The following RS1 variants were observed in gnomAD, a reference collection of about 807,000 sequenced individuals.
RS1 encodes the protein retinoschisin.
RS1 carries 2 observed loss-of-function variants against 20.8 expected under a neutral mutation model. The ratio of observed to expected loss-of-function variants is 0.10; its 90% CI spans 0.04 to 0.30. The LOEUF (loss-of-function observed/expected upper bound fraction) is 0.30. RS1 is among the 10% of genes least tolerant of loss of function. The pLI, the probability that RS1 is intolerant of heterozygous loss-of-function variation, is 1.00. For missense variants in RS1, 151 were observed against 189.8 expected, an observed-to-expected ratio of 0.80 and a Z score of 1.20; for synonymous variants, 70 against 75.8, an observed-to-expected ratio of 0.92 and a Z score of 0.40.
Position 18,645,012 on chromosome X carries a change from C to T in RS1, c.327-387G>A, listed in dbSNP as rs146253884. Among the ~76,000 whole-genome samples the T allele has an allele frequency of 8.8e-3, 986 of 111,989 alleles. 10 individuals carry two copies. Among genetic ancestry groups the T allele is most frequent in the African/African-American group, 0.03 (919 of 30,789 alleles). ...GAGACTCCCAGGGTGAACCTTTCTG[C>T]GCATTTCACTCTCTTCACACCTATT... On this transcript the variant is annotated intron_variant, in intron 4 of 5. Transcript: ENST00000379984.
chrX:18,656,857 T>C, intron 2 of RS1, 99 bp from the exon 3 acceptor site: 1 of 669,128 alleles, frequency 1.5e-6, no homozygotes, highest in Non-Finnish European at 2.5e-6. Flanking sequence ...GCATCGTCTA[T>C]AGCAGCTTTG....
rs1183496092 is a variant in RS1 at position 18,657,037 on chromosome X, G to A, written c.79-279C>T. 1.5e-4 allele frequency among the ~76,000 whole-genome samples: 16 copies of A among 109,712 alleles called. No individual in the cohort carries two copies. The South Asian group carries it at 3.6e-3, about 24-fold the overall frequency. ...CCCCATTATAGTTATCTTCAGGAGT[G>A]TGGGGAGCCCCAATCCAAGTTTAGA... On this transcript the variant is annotated intron_variant, in intron 2 of 5. Transcript: ENST00000379984.
intron 3 of RS1, chrX:18,647,646 T>G (rs2147194584): frequency 3.3e-6 from 1 of 299,041 alleles, no homozygotes; most frequent in South Asian, 5.0e-5. Flanking sequence ...CTCCACCAAC[T>G]TAGAGATCTA....
chrX:18,643,121 G>A (rs906271127), intron 5 of RS1, among the ~76,000 whole-genome samples: 5 of 110,940 alleles, frequency 4.5e-5, no homozygotes, highest in Non-Finnish European at 9.5e-5. Flanking sequence ...AAAGAGAAAG[G>A]GGGTTTGCTT....
chrX:18,663,032 C>CTTTTTTTTTTTTTTTTTTTTTTTTTTTT (rs55857398), intron 1 of RS1, among the ~76,000 whole-genome samples: 1 of 74,785 alleles, frequency 1.3e-5, no homozygotes, highest in African/African-American at 6.4e-5. Context: ...AGAACAATGA[C>CTTTTTTTTTTTTTTTTTTTTTTTTTTTT]TTTTTTTTTT....
intron 1 of RS1, among the ~76,000 whole-genome samples, chrX:18,659,945 C>G (rs905947307): frequency 1.8e-5 from 2 of 111,818 alleles, no homozygotes; most frequent in Non-Finnish European, 3.8e-5. Context: ...GAATATCACA[C>G]AGGGGCACCA....
intron 1 of RS1, among the ~76,000 whole-genome samples, chrX:18,669,487 C>CAAAAAAAAAAAAAAAAAAA (rs386416704): frequency 6.8e-5 from 4 of 58,882 alleles, no homozygotes; most frequent in African/African-American, 2.2e-4. Flanking sequence ...GTGAAATTCT[C>CAAAAAAAAAAAAAAAAAAA]AAAAAAAAAA....
chrX:18,647,144 A>T, intron 4 of RS1, 47 bp downstream of exon 4: 1 of 1,177,560 alleles, frequency 8.5e-7, no homozygotes, highest in Non-Finnish European at 1.1e-6. Context: ...AGAGAGGCCT[A>T]TTTTTTTTTA....
intron 3 of RS1, 33 bp downstream of exon 3, chrX:18,656,620 G>T (rs1224070426): frequency 9.3e-7 from 1 of 1,077,555 alleles, no homozygotes. Flanking sequence ...TGTTCCCAAT[G>T]ACTGTTCCAT....
intron 5 of RS1, among the ~76,000 whole-genome samples, chrX:18,643,023 C>A (rs375623183): frequency 2.7e-4 from 30 of 111,546 alleles, no homozygotes; most frequent in Admixed American, 1.0e-3. Context: ...CCAGCCTGGG[C>A]AACAGAGTGA....
intron 3 of RS1, chrX:18,653,348 G>C: frequency 8.5e-7 from 1 of 1,172,517 alleles, no homozygotes; most frequent in Non-Finnish European, 1.1e-6. Flanking sequence ...TCTGCTCCGT[G>C]GGGGGCCCGG....
rs371051685 is a variant in RS1 at position 18,667,620 on chromosome X, C to T, written c.52+4397G>A. Among the ~76,000 whole-genome samples, 62 of 109,991 alleles carry T rather than the reference C, an allele frequency of 5.6e-4. 1 individual carries two copies. Among genetic ancestry groups the T allele is most frequent in the African/African-American group, 2.0e-3 (62 of 30,286 alleles). ...GGCAAGGGGTGTTGGTGGTCACTGACAGTGTGGCTTTCATAACCAAATCCA... is the reference window on the plus strand; with the variant it reads ...GGCAAGGGGTGTTGGTGGTCACTGATAGTGTGGCTTTCATAACCAAATCCA... On this transcript the variant is annotated intron_variant, in intron 1 of 5. Coordinates refer to ENST00000379984, the MANE Select transcript of RS1 (RefSeq NM_000330.4).
chrX:18,657,217 CTTTT>C (rs749358875), intron 2 of RS1, among the ~76,000 whole-genome samples: 4 of 65,138 alleles, frequency 6.1e-5, no homozygotes, highest in East Asian at 4.4e-4. Flanking sequence ...AAAAAAAATA[CTTTT>C]TTTTTTTTTT....
rs755597463 is a variant in RS1 at position 18,650,267 on chromosome X, G to A, written c.185-2935C>T. The A allele has an allele frequency of 1.5e-4, 82 of 552,618 alleles. 1 individual carries two copies. In the South Asian group the frequency reaches 1.6e-3, roughly 11 times the overall value. The allele number at this position is 552,618 out of a possible 1,213,427, so 45.5% of individuals were successfully genotyped here. A position where few individuals can be genotyped will look rare whatever the true frequency, so the allele number is the denominator to read the frequency against. On this transcript the variant is annotated intron_variant, in intron 3 of 5. Transcript: ENST00000379984. ...GGCTCACTCTGCGATCTAAAGACCC[G>A]TGTGTCCAGACGTGGATGCTGTACT...
intron 3 of RS1, among the ~76,000 whole-genome samples, chrX:18,651,119 G>A (rs768874726): frequency 3.7e-4 from 19 of 51,754 alleles, no homozygotes; most frequent in East Asian, 1.5e-3. Context: ...TACCCTCCCC[G>A]TCCCCCCACC....
At chrX:18,662,737 C>T (rs961563924) in intron 1 of RS1, among the ~76,000 whole-genome samples, 31 of 108,779 alleles carry the variant, frequency 2.8e-4, no homozygotes, top group African/African-American at 1.0e-3. Context: ...ACACCATTCT[C>T]CTGCCTCAGC....
intron 2 of RS1, among the ~76,000 whole-genome samples, 156 bp downstream of exon 2, chrX:18,657,484 A>C (rs1229508895): frequency 5.4e-5 from 6 of 110,813 alleles, no homozygotes; most frequent in Non-Finnish European, 1.1e-4. Flanking sequence ...CGGCCTCCCA[A>C]AGTGTTGGGA....
chrX:18,654,363 G>T (rs1436139870), intron 3 of RS1, among the ~76,000 whole-genome samples: 2 of 110,983 alleles, frequency 1.8e-5, no homozygotes, highest in Non-Finnish European at 3.8e-5. Flanking sequence ...GCTGCACATG[G>T]CCCTTTCTTG....
intron 1 of RS1, among the ~76,000 whole-genome samples, chrX:18,663,047 T>G (rs1465632937): frequency 1.9e-5 from 1 of 53,389 alleles, no homozygotes; most frequent in African/African-American, 5.1e-5. Context: ...TTTTTTTTTT[T>G]TTTTTTTTTT....
Sources: allele counts gnomAD v4.1 joint callset (sites outside exome capture counted in the v4.1 genomes callset), GRCh38; gene constraint gnomAD v4.1.1; transcripts MANE v1.5; gene names NCBI Gene and HGNC (gene_info 2026-07-23, HGNC 2026-07-21).